Variants in TBXAS1 observed in about 807,000 individuals in gnomAD.
TBXAS1 encodes thromboxane-A synthase.
Under a neutral mutation model 60.7 loss-of-function variants are expected in TBXAS1, and 48 were observed. That is an observed-to-expected ratio of 0.79 (90% confidence interval 0.63 to 1.01). The LOEUF (loss-of-function observed/expected upper bound fraction) is 1.01, where lower values mean the gene tolerates loss of function less well. TBXAS1 is among the 50% of genes least tolerant of loss of function. The pLI is 0.00. For synonymous variants in TBXAS1, 287 were observed against 269.7 expected (o/e 1.06, Z -0.63); for missense variants, 685 against 686.3 (o/e 1.00, Z 0.02).
intron 1 of TBXAS1, among the ~76,000 whole-genome samples, chr7:139,836,455 G>A (rs1011927676): frequency 6.6e-6 from 1 of 152,074 alleles, no homozygotes; most frequent in African/African-American, 2.4e-5. Flanking sequence ...GCATGGTACT[G>A]GTATAAAAAT....
Position 139,784,243 on chromosome 7 carries a change from CCTTCCTTCCTTCCTTCCTTTCTTT to C in TBXAS1, c.-169+1522_-169+1545del, listed in dbSNP as rs572314099. Among the ~76,000 whole-genome samples, 338 of 142,452 alleles carry C rather than the reference CCTTCCTTCCTTCCTTCCTTTCTTT, an allele frequency of 2.4e-3. 1 individual carries two copies. Among genetic ancestry groups the C allele is most frequent in the African/African-American group, 8.3e-3 (320 of 38,452 alleles). The allele number at this position is 142,452 out of a possible 152,430, so 93.5% of individuals were successfully genotyped here. A position where few individuals can be genotyped will look rare whatever the true frequency, so the allele number is the denominator to read the frequency against. On this transcript the variant is annotated intron_variant, in intron 3 of 16. Transcript: ENST00000336425. ...CATTCTTTCTCTCTCTCTCTCTCTT[CCTTCCTTCCTTCCTTCCTTTCTTT>C]CTTCCTTTCTTTTTTTCCTGAGAAA...
Position 139,879,498 on chromosome 7 carries a change from G to C in TBXAS1, c.236+3861G>C, listed in dbSNP as rs73734135. On this transcript the variant is annotated intron_variant, in intron 3 of 12. Transcript: ENST00000448866. ...GATTACTTGTTATCTCCTTCAGGCT[G>C]AGAATGAGCCCCAAGTTGGATTTAT... 6.8e-3 allele frequency among the ~76,000 whole-genome samples: 1,031 copies of C among 152,238 alleles called. 13 individuals are homozygous for C. Among genetic ancestry groups the C allele is most frequent in the African/African-American group, 0.024 (978 of 41,512 alleles).
intron 4 of TBXAS1, among the ~76,000 whole-genome samples, chr7:139,804,842 C>A (rs1356314561): frequency 6.6e-6 from 1 of 152,194 alleles, no homozygotes. Context: ...CATTAAACCT[C>A]TTTTTCTTTA....
At chr7:139,816,141 C>T (rs1798142676) in intron 4 of TBXAS1, among the ~76,000 whole-genome samples, 1 of 152,152 alleles carries the variant, frequency 6.6e-6, no homozygotes, top group South Asian at 2.1e-4. Flanking sequence ...TCTCCTGCCG[C>T]CTTGTGAAGA....
At chr7:139,989,917 CATT>C (rs953306084) in intron 9 of TBXAS1, among the ~76,000 whole-genome samples, 2 of 152,214 alleles carry the variant, frequency 1.3e-5, no homozygotes, top group African/African-American at 4.8e-5. Flanking sequence ...CTTTGCTCAT[CATT>C]GTCATGGGTT....
intron 4 of TBXAS1, among the ~76,000 whole-genome samples, chr7:139,799,107 T>C (rs1475190228): frequency 7.1e-6 from 1 of 140,166 alleles, no homozygotes; most frequent in East Asian, 2.1e-4. Context: ...ACAGTCTCAC[T>C]CTGCCACCCA....
chr7:139,993,498 C>T (rs1386615137), intron 9 of TBXAS1, among the ~76,000 whole-genome samples: 1 of 152,208 alleles, frequency 6.6e-6, no homozygotes, highest in African/African-American at 2.4e-5. Flanking sequence ...AGTTCATCTC[C>T]TGCTGACCCT....
chr7:139,968,177 G>A (rs1185385117), intron 9 of TBXAS1, among the ~76,000 whole-genome samples: 1 of 152,220 alleles, frequency 6.6e-6, no homozygotes, highest in Non-Finnish European at 1.5e-5. Context: ...CGCACATCCT[G>A]TCTGGCAACA....
At chr7:139,867,986 A>G (rs1391663683) in intron 1 of TBXAS1, among the ~76,000 whole-genome samples, 1 of 152,214 alleles carries the variant, frequency 6.6e-6, no homozygotes. Context: ...CCGCTGGCAC[A>G]GCAGTATTTG....
chr7:139,912,928 C>T, intron 4 of TBXAS1: 1 of 595,952 alleles, frequency 1.7e-6, no homozygotes, highest in South Asian at 1.9e-5. Context: ...AGCAGGGATT[C>T]ATGTGCCATC....
intron 3 of TBXAS1, among the ~76,000 whole-genome samples, chr7:139,895,130 A>G (rs937812624): frequency 6.6e-6 from 1 of 152,160 alleles, no homozygotes; most frequent in Non-Finnish European, 1.5e-5. Context: ...AGGAGGAAGT[A>G]GGTCTTGAAG....
chr7:139,959,627 A>G (rs919796017), intron 8 of TBXAS1, among the ~76,000 whole-genome samples: 2 of 152,168 alleles, frequency 1.3e-5, no homozygotes, highest in Admixed American at 6.5e-5. Context: ...ACAGCCCTTT[A>G]GCAGTCTGTC....
chr7:139,967,992 G>A (rs1013294689), intron 9 of TBXAS1, among the ~76,000 whole-genome samples: 2 of 152,186 alleles, frequency 1.3e-5, no homozygotes, highest in Admixed American at 6.5e-5. Flanking sequence ...TGTGATTTCT[G>A]CAGGACCAGT....
chr7:139,780,642 T>C (rs1404756115), intron 1 of TBXAS1: 1 of 154,388 alleles, frequency 6.5e-6, no homozygotes, highest in African/African-American at 2.4e-5. Flanking sequence ...GAGTTTTATA[T>C]AGAGGGCAGA....
chr7:139,784,019 T>G (rs967029867), intron 3 of TBXAS1, among the ~76,000 whole-genome samples: 1 of 151,252 alleles, frequency 6.6e-6, no homozygotes, highest in African/African-American at 2.4e-5. Context: ...TTGTTTTTTT[T>G]TTTTTTGTAT....
intron 9 of TBXAS1, among the ~76,000 whole-genome samples, chr7:139,982,839 C>T (rs183848865): frequency 2.0e-5 from 3 of 152,226 alleles, no homozygotes; most frequent in Admixed American, 6.5e-5. Context: ...GGAAATGTAT[C>T]GGGTTCCTTA....
At chr7:139,866,695 C>A (rs1435750887) in intron 1 of TBXAS1, among the ~76,000 whole-genome samples, 1 of 151,714 alleles carries the variant, frequency 6.6e-6, no homozygotes, top group African/African-American at 2.4e-5. Flanking sequence ...GAGGTAGAGG[C>A]TACGGTGAGC....
At chr7:139,779,998 A>T (rs553808508) in intron 1 of TBXAS1, among the ~76,000 whole-genome samples, 8 of 152,150 alleles carry the variant, frequency 5.3e-5, no homozygotes, top group Non-Finnish European at 1.2e-4. Flanking sequence ...CACCTCCTCC[A>T]CAAAACAGCC....
intron 9 of TBXAS1, 91 bp downstream of exon 9, chr7:139,962,324 G>A (rs954883335): frequency 6.9e-7 from 1 of 1,443,896 alleles, no homozygotes; most frequent in Non-Finnish European, 9.7e-7. Flanking sequence ...TTAATGACTT[G>A]CTAATATCAC....
Sources: gnomAD v4.1 joint callset for allele counts (sites outside exome capture counted in the v4.1 genomes callset) on GRCh38, gnomAD v4.1.1 for gene constraint, MANE v1.5 for transcripts, NCBI Gene and HGNC (gene_info 2026-07-23, HGNC 2026-07-21) for gene names.